The following DLG4 variants were observed in gnomAD, a reference collection of about 807,000 sequenced individuals.
The protein encoded by DLG4 is disks large homolog 4.
DLG4 carries 7 observed loss-of-function variants against 93.8 expected under a neutral mutation model. The ratio of observed to expected loss-of-function variants is 0.07; its 90% CI spans 0.04 to 0.14. The LOEUF (loss-of-function observed/expected upper bound fraction) is 0.14, where lower values mean the gene tolerates loss of function less well. Ranked by LOEUF, DLG4 falls within the 10% of genes least tolerant of loss-of-function variation. The pLI, the probability that DLG4 is intolerant of heterozygous loss-of-function variation, is 1.00. For missense variants in DLG4, 545 were observed against 992.9 expected (o/e 0.55, Z 6.06); for synonymous variants, 341 against 387.6 (o/e 0.88, Z 1.41).
In DLG4 at chr17:7,217,159, T is replaced by C. The variant is rs763975299; in HGVS notation, c.-12A>G. 840 of 1,288,510 alleles carry C rather than the reference T, an allele frequency of 6.5e-4. 1 individual carries two copies. The highest frequency in any genetic ancestry group is 7.4e-4 in the Middle Eastern group (3 of 4,058). 79.8% of individuals were successfully genotyped at this position (1,288,510 alleles called of 1,614,324 possible). A position where few individuals can be genotyped will look rare whatever the true frequency, so the allele number is the denominator to read the frequency against. On this transcript the variant is annotated 5_prime_UTR_variant, in exon 1 of 20. Coordinates refer to ENST00000399506, the MANE Select transcript of DLG4 (RefSeq NM_001321075.3). ...CAGAGACAGTCCATGTTGGGGGGCC[T>C]GGCCGCGGCGGCGGGTAAGGGGCTC...
At position 7,193,567 on chromosome 17, in the gene DLG4, T is replaced by C. The variant is rs2069612886; in HGVS notation, c.1609A>G (p.Ile537Val). 1.3e-6 allele frequency: 2 copies of C among 1,529,732 alleles called. No individual in the cohort carries two copies. Among genetic ancestry groups the C allele is most frequent in the Non-Finnish European group, 1.7e-6 (2 of 1,143,696 alleles). 94.8% of individuals were successfully genotyped at this position (1,529,732 alleles called of 1,614,324 possible). Residue 537 changes from isoleucine to valine, a missense_variant, in exon 16 of 20, where the codon ATC becomes GTC. Coordinates refer to ENST00000399506, the MANE Select transcript of DLG4 (RefSeq NM_001321075.3). The surrounding 1 kb of genome is among the most constrained non-coding windows in gnomAD (Gnocchi z 6.7). ...TCCTTGGTGGGCCCAAGGATGATGA[T>C]GGGGCGAGCATAGTGCACTGCAGAG... ...TQMEVHYARP[I>V]IILGPTKDRA...
intron 3 of DLG4, 43 bp downstream of exon 3, chr17:7,204,156 T>C (rs1330615446): frequency 1.2e-6 from 2 of 1,603,944 alleles, no homozygotes; most frequent in Non-Finnish European, 1.7e-6. Context: ...TACTCCCTCC[T>C]TCCTTCTGCA....
In DLG4 at chr17:7,191,125, G is replaced by T; in HGVS notation, c.2068+142C>A. ...GCTGGGATTACAGGTGCCCGCCAGT[G>T]CTGGGATTACAGGCGTGAGCCACCA... is the stretch of plus-strand genomic sequence containing the variant. On this transcript the variant is annotated intron_variant, in intron 19 of 19. Coordinates refer to ENST00000399506, the MANE Select transcript of DLG4 (RefSeq NM_001321075.3). This position sits in a 1 kb window ranked among gnomAD's most constrained non-coding sequence, Gnocchi z 6.6. 1.4e-6 allele frequency: 1 copy of T among 739,082 alleles called. No individual in the cohort carries two copies. Among genetic ancestry groups the T allele is most frequent in the Non-Finnish European group, 2.3e-6 (1 of 439,136 alleles). The allele number at this position is 739,082 out of a possible 1,614,324, so 45.8% of individuals were successfully genotyped here.
At chr17:7,200,856 G>GTTTT (rs1243920377) in intron 8 of DLG4, among the ~76,000 whole-genome samples, 9 of 94,684 alleles carry the variant, frequency 9.5e-5, no homozygotes, top group Non-Finnish European at 1.5e-4. Context: ...GCCTGTTTTG[G>GTTTT]TTTTTTTTTT....
rs1567797325 is a variant in DLG4 at position 7,187,306 on chromosome 17, G to GGC, written c.*3401_*3402insGC. Among the ~76,000 whole-genome samples, 1 of 51,914 alleles carries GGC rather than the reference G, an allele frequency of 1.9e-5. No homozygotes were observed. The highest frequency in any genetic ancestry group is 5.4e-5 in the Non-Finnish European group (1 of 18,504). 34.1% of individuals were successfully genotyped at this position (51,914 alleles called of 152,430 possible). A position where few individuals can be genotyped will look rare whatever the true frequency, so the allele number is the denominator to read the frequency against. On this transcript the variant is annotated 3_prime_UTR_variant, in exon 20 of 20. Transcript: ENST00000399506. Reference sequence around the variant, plus strand: ...TGTAATCCTAGCACTTTGGGAGGCCGAGGGGGGGGGGGGTGGATCACCCGA... The same window carrying GGC: ...TGTAATCCTAGCACTTTGGGAGGCCGGCAGGGGGGGGGGGGTGGATCACCCGA...
intron 1 of DLG4, among the ~76,000 whole-genome samples, chr17:7,216,591 A>C (rs970275870): frequency 2.6e-5 from 4 of 152,064 alleles, no homozygotes; most frequent in African/African-American, 9.7e-5. Context: ...TGCAGCCACC[A>C]CGAGATGCTT....
In DLG4 at chr17:7,217,610, G is replaced by A. The variant is rs1341921963; in HGVS notation, c.-463C>T. On this transcript the variant is annotated 5_prime_UTR_variant, in exon 1 of 20. Transcript: ENST00000399506. ...CCGAGGGAGCCGTGGAGCCGAAGAGGGAAGGGGAGAGAGGAGGAGAGAGGA... is the reference window on the plus strand; with the variant it reads ...CCGAGGGAGCCGTGGAGCCGAAGAGAGAAGGGGAGAGAGGAGGAGAGAGGA... 3 of 1,427,996 alleles carry A rather than the reference G, an allele frequency of 2.1e-6. No homozygotes were observed. Among genetic ancestry groups the A allele is most frequent in the East Asian group, 5.4e-5 (2 of 37,328 alleles). 88.5% of individuals were successfully genotyped at this position (1,427,996 alleles called of 1,614,324 possible). A position where few individuals can be genotyped will look rare whatever the true frequency, so the allele number is the denominator to read the frequency against.
upstream of DLG4, chr17:7,218,228 C>A: frequency 6.2e-7 from 1 of 1,606,540 alleles, no homozygotes; most frequent in East Asian, 2.2e-5. Flanking sequence ...GGCGCTCGCC[C>A]CCACCTCCTT....
intron 1 of DLG4, among the ~76,000 whole-genome samples, chr17:7,213,321 A>T (rs1014001953): frequency 6.6e-6 from 1 of 151,860 alleles, no homozygotes; most frequent in African/African-American, 2.4e-5. Flanking sequence ...GCTGGTCTCG[A>T]ACTCGTGACC....
intron 8 of DLG4, among the ~76,000 whole-genome samples, chr17:7,198,806 C>T (rs1189864590): frequency 3.3e-5 from 5 of 150,330 alleles, no homozygotes; most frequent in African/African-American, 1.2e-4. Flanking sequence ...CAAGATCGTG[C>T]CACTGCACTC....
chr17:7,215,607 G>A (rs1027724586), intron 1 of DLG4, among the ~76,000 whole-genome samples: 1 of 152,098 alleles, frequency 6.6e-6, no homozygotes, highest in Non-Finnish European at 1.5e-5. Flanking sequence ...TGGGGAAGAG[G>A]CAGCCTGGGA....
At chr17:7,190,963 C>CT (rs35868661) in intron 19 of DLG4, 149 bp from the exon 20 acceptor site, 46,548 of 335,578 alleles carry the variant, frequency 0.14, 613 homozygotes, top group South Asian at 0.17. Context: ...AGGGGCACCT[C>CT]TTTTTTTTTT....
At chr17:7,204,331 G>T in intron 2 of DLG4, 79 bp from the exon 3 acceptor site, 1 of 1,399,926 alleles carries the variant, frequency 7.1e-7, no homozygotes, top group Non-Finnish European at 9.6e-7. Flanking sequence ...TCCCATCAGC[G>T]TGGCTACCCT....
At chr17:7,217,911 C>A (rs1597508675), upstream of DLG4, 2 of 1,237,672 alleles carry the variant, frequency 1.6e-6, no homozygotes, top group Non-Finnish European at 1.1e-6. Context: ...TCTCGGCAGG[C>A]GGTAGGGGGT....
At chr17:7,219,890 A>G (rs1056775771), upstream of DLG4, 7 of 1,523,180 alleles carry the variant, frequency 4.6e-6, no homozygotes, top group Admixed American at 6.0e-5. Flanking sequence ...TGCACTGTGG[A>G]CGATGAGTCA....
chr17:7,210,273 A>G (rs1233199241), intron 1 of DLG4, among the ~76,000 whole-genome samples: 1 of 152,198 alleles, frequency 6.6e-6, no homozygotes, highest in Non-Finnish European at 1.5e-5. Context: ...AGAATGGGAG[A>G]AGGGAAGTGG....
rs995735843 is a variant in DLG4, at chr17:7,192,815, A to T, written c.1866+130T>A. On this transcript the variant is annotated intron_variant, in intron 17 of 19. Transcript: ENST00000399506. ...GACAGAGTTGCCCAAGAGGAGAAGG[A>T]GGTGGAGGAGCGGAGTGGAGACCCA... 4.0e-6 allele frequency: 4 copies of T among 989,154 alleles called. No individual in the cohort carries two copies. The South Asian group carries it at 6.7e-5, about 17-fold the overall frequency. The allele number at this position is 989,154 out of a possible 1,614,324, so 61.3% of individuals were successfully genotyped here.
At chr17:7,209,915 G>A (rs746161391) in intron 1 of DLG4, among the ~76,000 whole-genome samples, 3 of 152,128 alleles carry the variant, frequency 2.0e-5, no homozygotes, top group Non-Finnish European at 2.9e-5. Flanking sequence ...GGTGGCACAT[G>A]GCTGTAATCC....
At chr17:7,201,401 G>A (rs1192423707) in intron 8 of DLG4, among the ~76,000 whole-genome samples, 1 of 152,142 alleles carries the variant, frequency 6.6e-6, no homozygotes, top group African/African-American at 2.4e-5. Context: ...TGACTGAGGG[G>A]GAGGAGTACC....
Sources: gnomAD v4.1 joint callset for allele counts (sites outside exome capture counted in the v4.1 genomes callset) on GRCh38, gnomAD v4.1.1 for gene constraint, Gnocchi (gnomAD v3.1) non-coding constraint, MANE v1.5 for transcripts, NCBI Gene and HGNC (gene_info 2026-07-23, HGNC 2026-07-21) for gene names.